SERP2: variants seen among roughly 807,000 people sequenced by gnomAD.
SERP2 encodes stress associated endoplasmic reticulum protein family member 2, also known as stress-associated endoplasmic reticulum protein 2.
SERP2 carries 6 observed loss-of-function variants against 9.1 expected under a neutral mutation model. That is an observed-to-expected ratio of 0.66 (90% CI 0.36 to 1.30). The LOEUF is 1.30. Among genes scored for constraint, SERP2 ranks in the 50% most tolerant of loss-of-function variants. The pLI, the probability that SERP2 is intolerant of heterozygous loss-of-function variation, is 0.03. For missense variants in SERP2, 58 were observed against 81.9 expected (o/e 0.71, Z 1.13); for synonymous variants, 37 against 27.3 (o/e 1.35, Z -1.10).
Position 44,379,713 on chromosome 13 carries a change from G to C in SERP2, c.157G>C (p.Ala53Pro), listed in dbSNP as rs755845180. ...ALFVFVVCGS[A>P]IFQIIQSIRM... ...GTTTGTTTTTGTTGTCTGTGGCTCA[G>C]GTATGGGTGTTTCACTGAACTTATA... Residue 53 changes from alanine (A) to proline (P), a missense_variant and splice_region_variant, in exon 2 of 3, where the codon GCT becomes CCT. By Grantham distance (27) the Ala-to-Pro change is conservative. Coordinates refer to ENST00000379179, the MANE Select transcript of SERP2 (RefSeq NM_001010897.3). 6.2e-7 allele frequency: 1 copy of C among 1,606,302 alleles called. No individual in the cohort carries two copies. Among genetic ancestry groups the C allele is most frequent in the Non-Finnish European group, 8.5e-7 (1 of 1,174,810 alleles).
upstream of SERP2, chr13:44,373,754 C>A: frequency 2.5e-6 from 1 of 404,350 alleles, no homozygotes; most frequent in Non-Finnish European, 4.4e-6. This position sits in a 1 kb window ranked among gnomAD's most constrained non-coding sequence, Gnocchi z 4.8. Context: ...GGTGGCCGCG[C>A]GGGGTAGGTG....
intron 2 of SERP2, among the ~76,000 whole-genome samples, chr13:44,380,690 T>C (rs1871921621): frequency 6.6e-6 from 1 of 152,234 alleles, no homozygotes; most frequent in South Asian, 2.1e-4. Context: ...TAAAGATGAT[T>C]TGGCATTCCA....
At chr13:44,379,218 TCA>T (rs1871825042) in intron 1 of SERP2, among the ~76,000 whole-genome samples, 1 of 152,214 alleles carries the variant, frequency 6.6e-6, no homozygotes, top group Admixed American at 6.5e-5. Flanking sequence ...ACTTTGAGCC[TCA>T]GTTTCTCAAC....
In SERP2 at chr13:44,373,870, C is replaced by A; in HGVS notation, c.-156C>A. The A allele has an allele frequency of 1.7e-6, 1 of 585,258 alleles. No individual in the cohort carries two copies. The highest frequency in any genetic ancestry group is 2.9e-6 in the Non-Finnish European group (1 of 342,868). The allele number at this position is 585,258 out of a possible 1,614,324, so 36.3% of individuals were successfully genotyped here. A position where few individuals can be genotyped will look rare whatever the true frequency, so the allele number is the denominator to read the frequency against. On this transcript the variant is annotated 5_prime_UTR_variant, in exon 1 of 3. Coordinates refer to ENST00000379179, the MANE Select transcript of SERP2 (RefSeq NM_001010897.3). This position sits in a 1 kb window ranked among gnomAD's most constrained non-coding sequence, Gnocchi z 4.8. Reference sequence around the variant, plus strand: ...TCTCTCTGGAGTCGGCTAGCCGGGGCTCGGGGAGCGGGGTGCGCAGGGCTC... The same window carrying A: ...TCTCTCTGGAGTCGGCTAGCCGGGGATCGGGGAGCGGGGTGCGCAGGGCTC...
rs188092618 is a variant in SERP2 at position 44,377,094 on chromosome 13, A to G, written c.85-2547A>G. ...AGTAGTCACCCAAAGCTGTCAAAAA[A>G]AAGATATATGGGTACTATGATCAGC... On this transcript the variant is annotated intron_variant, in intron 1 of 2. Coordinates refer to ENST00000379179, the MANE Select transcript of SERP2 (RefSeq NM_001010897.3). Among the ~76,000 whole-genome samples, 180 of 152,348 alleles carry G rather than the reference A, an allele frequency of 1.2e-3. 1 individual carries two copies. The highest frequency in any genetic ancestry group is 4.2e-3 in the African/African-American group (175 of 41,578).
intron 2 of SERP2, among the ~76,000 whole-genome samples, chr13:44,383,509 T>C (rs1029772583): frequency 1.6e-4 from 24 of 151,766 alleles, no homozygotes; most frequent in African/African-American, 5.8e-4. Flanking sequence ...TTCCTAGGGA[T>C]TGAGTATGTT....
chr13:44,374,173 G>C (rs1871491080), intron 1 of SERP2, 64 bp downstream of exon 1: 3 of 798,486 alleles, frequency 3.8e-6, no homozygotes, highest in Non-Finnish European at 3.5e-6. Context: ...GCGGAAGGTG[G>C]GGGCGGGGCC....
chr13:44,385,489 T>C (rs1872264210), intron 2 of SERP2, among the ~76,000 whole-genome samples: 1 of 152,242 alleles, frequency 6.6e-6, no homozygotes, highest in Non-Finnish European at 1.5e-5. Flanking sequence ...TGGAAACCTC[T>C]AATACATTGT....
At chr13:44,379,871 C>A (rs571772961) in intron 2 of SERP2, among the ~76,000 whole-genome samples, 158 bp downstream of exon 2, 2 of 152,306 alleles carry the variant, frequency 1.3e-5, no homozygotes, top group South Asian at 4.1e-4. Flanking sequence ...GATTTAGTTT[C>A]TATTCCAAAT....
intron 2 of SERP2, chr13:44,395,998 C>T: frequency 3.3e-6 from 1 of 300,416 alleles, no homozygotes; most frequent in Non-Finnish European, 6.7e-6. Flanking sequence ...CAGCACGTCT[C>T]ATCAGTTACT....
chr13:44,380,934 C>T (rs1031660273), intron 2 of SERP2, among the ~76,000 whole-genome samples: 11 of 152,274 alleles, frequency 7.2e-5, no homozygotes, highest in South Asian at 4.2e-4. Flanking sequence ...AGAATGGACT[C>T]GTTCTCCTCT....
chr13:44,389,101 T>C (rs1187070359), intron 2 of SERP2, among the ~76,000 whole-genome samples: 5 of 152,170 alleles, frequency 3.3e-5, no homozygotes, highest in Admixed American at 2.6e-4. Context: ...AAACGTTTCT[T>C]TGTGAAATGT....
At chr13:44,382,800 C>T (rs1872072451) in intron 2 of SERP2, among the ~76,000 whole-genome samples, 1 of 152,196 alleles carries the variant, frequency 6.6e-6, no homozygotes, top group African/African-American at 2.4e-5. Context: ...TGGCACTGTG[C>T]CGGGCTTTGG....
chr13:44,391,987 G>A (rs1872796187), intron 2 of SERP2, among the ~76,000 whole-genome samples: 1 of 151,664 alleles, frequency 6.6e-6, no homozygotes, highest in Non-Finnish European at 1.5e-5. Flanking sequence ...GTGAGATCAA[G>A]AGATTGACAC....
Position 44,383,541 on chromosome 13 carries a change from TGC to T in SERP2, c.157+3830_157+3831del, listed in dbSNP as rs1491322250. Among the ~76,000 whole-genome samples, 43 of 76,304 alleles carry T rather than the reference TGC, an allele frequency of 5.6e-4. 3 individuals carry two copies. Among genetic ancestry groups the T allele is most frequent in the Non-Finnish European group, 4.5e-4 (16 of 35,896 alleles). The allele number at this position is 76,304 out of a possible 152,430, so 50.1% of individuals were successfully genotyped here. The stretch of plus-strand genomic sequence containing the variant: ...TGTTAGCTCCACCTCTCTGGAGGTT[TGC>T]GTTTTTTTTGTTTTTTTTTTTTTGA... On this transcript the variant is annotated intron_variant, in intron 2 of 2. Coordinates refer to ENST00000379179, the MANE Select transcript of SERP2 (RefSeq NM_001010897.3).
chr13:44,392,694 C>A (rs570682932), intron 2 of SERP2, among the ~76,000 whole-genome samples: 3 of 152,168 alleles, frequency 2.0e-5, no homozygotes, highest in Admixed American at 1.3e-4. Context: ...GGGACGAGAT[C>A]ATGAGAAGGT....
In SERP2 at chr13:44,374,116, C is replaced by G; in HGVS notation, c.84+7C>G. The G allele has an allele frequency of 1.6e-6, 2 of 1,277,094 alleles. No homozygotes were observed. Among genetic ancestry groups the G allele is most frequent in the South Asian group, 1.2e-5 (1 of 80,554 alleles). The allele number at this position is 1,277,094 out of a possible 1,614,324, so 79.1% of individuals were successfully genotyped here. On this transcript the variant is annotated splice_region_variant and intron_variant, in intron 1 of 2. Transcript: ENST00000379179. ...GAACGTAGCCAAAACCCTGGTAAGG[C>G]GGGGTCGGCGCCGGCCAGGCAGAGC...
chr13:44,397,226 C>G (rs774308237), intron 2 of SERP2, 46 bp from the exon 3 acceptor site: 4 of 1,573,988 alleles, frequency 2.5e-6, no homozygotes, highest in Non-Finnish European at 8.7e-7. Context: ...GGGTTTCCAG[C>G]TGTGTGCAGT....
At position 44,379,669 on chromosome 13, in the gene SERP2, G is replaced by T; in HGVS notation, c.113G>T (p.Gly38Val). 1.2e-6 allele frequency: 2 copies of T among 1,612,956 alleles called. No homozygotes were observed. The highest frequency in any genetic ancestry group is 1.7e-6 in the Non-Finnish European group (2 of 1,179,340). Residue 38 changes from glycine (G) to valine (V), a missense_variant, in exon 2 of 3, where the codon GGA (glycine) becomes GTA (valine). Coordinates refer to ENST00000379179, the MANE Select transcript of SERP2 (RefSeq NM_001010897.3). ...LRPQEEKYPVGPWLLALFVFV... is the reference protein window; with the variant it reads ...LRPQEEKYPVVPWLLALFVFV... ...CCGCAAGAGGAGAAATATCCTGTGGGACCATGGCTGTTGGCACTGTTTGTT... is the reference window on the plus strand; with the variant it reads ...CCGCAAGAGGAGAAATATCCTGTGGTACCATGGCTGTTGGCACTGTTTGTT...
Sources: allele counts gnomAD v4.1 joint callset (sites outside exome capture counted in the v4.1 genomes callset), GRCh38; gene constraint gnomAD v4.1.1; non-coding constraint Gnocchi (gnomAD v3.1); transcripts MANE v1.5; gene names NCBI Gene and HGNC (gene_info 2026-07-23, HGNC 2026-07-21).